The following STAU2 variants were observed in gnomAD, a reference collection of about 807,000 sequenced individuals.
STAU2 encodes staufen double-stranded RNA binding protein 2, also known as double-stranded RNA-binding protein Staufen homolog 2.
In STAU2, 20 loss-of-function variants were observed where a neutral mutation model predicts 65.9. The ratio of observed to expected loss-of-function variants is 0.30; its 90% CI spans 0.21 to 0.44. The LOEUF is 0.44. STAU2 is among the 20% of genes least tolerant of loss of function. The probability of loss-of-function intolerance (pLI) is 1.00; values close to 1 mark genes in which losing one functional copy is unlikely to be tolerated. For missense variants in STAU2, 558 were observed against 683.9 expected, an observed-to-expected ratio of 0.82 and a Z score of 2.05; for synonymous variants, 232 against 233.9, an observed-to-expected ratio of 0.99 and a Z score of 0.07.
intron 13 of STAU2, among the ~76,000 whole-genome samples, chr8:73,510,746 A>T (rs1179113719): frequency 2.0e-5 from 3 of 152,162 alleles, no homozygotes; most frequent in South Asian, 2.1e-4. Context: ...TCTCCTGAGA[A>T]CTCACTCACA....
At chr8:73,502,376 C>T (rs2128920544) in intron 13 of STAU2, among the ~76,000 whole-genome samples, 1 of 152,058 alleles carries the variant, frequency 6.6e-6, no homozygotes, top group Non-Finnish European at 1.5e-5. Context: ...TTCTTGACTT[C>T]CCCTGACCCA....
chr8:73,492,405 C>T (rs1423180684), intron 13 of STAU2, among the ~76,000 whole-genome samples: 22 of 151,828 alleles, frequency 1.4e-4, no homozygotes, highest in Non-Finnish European at 1.5e-5. Context: ...CATCAATGCA[C>T]GGTCATTACC....
At chr8:73,446,817 C>T (rs1818492734) in intron 13 of STAU2, among the ~76,000 whole-genome samples, 1 of 152,042 alleles carries the variant, frequency 6.6e-6, no homozygotes, top group Non-Finnish European at 1.5e-5. Context: ...GTGTTTAAGA[C>T]TATTTAAATG....
intron 5 of STAU2, among the ~76,000 whole-genome samples, chr8:73,674,514 C>A (rs1296900775): frequency 6.6e-6 from 1 of 151,710 alleles, no homozygotes; most frequent in African/African-American, 2.4e-5. Context: ...GCAATTAAAA[C>A]CTAATTGATT....
At chr8:73,631,676 AG>A (rs1386157456) in intron 6 of STAU2, among the ~76,000 whole-genome samples, 1 of 152,176 alleles carries the variant, frequency 6.6e-6, no homozygotes, top group Non-Finnish European at 1.5e-5. Context: ...TTATCTTTAA[AG>A]AAGTGCATCT....
intron 13 of STAU2, among the ~76,000 whole-genome samples, chr8:73,468,288 C>G (rs923431572): frequency 3.3e-5 from 5 of 152,230 alleles, no homozygotes; most frequent in African/African-American, 1.2e-4. Context: ...TTCCTTACAC[C>G]TTATACAAAA....
chr8:73,433,578 G>A (rs1817474109), intron 13 of STAU2, among the ~76,000 whole-genome samples: 1 of 149,008 alleles, frequency 6.7e-6, no homozygotes, highest in Admixed American at 6.7e-5. Context: ...TCAGCTCACT[G>A]CAATCTACGC....
chr8:73,569,485 G>A (rs1326636376), intron 12 of STAU2, among the ~76,000 whole-genome samples: 1 of 152,114 alleles, frequency 6.6e-6, no homozygotes, highest in Admixed American at 6.5e-5. Flanking sequence ...TGGAGTCTGA[G>A]ATCTGAGAAC....
chr8:73,604,170 CAGA>C (rs150881040), intron 9 of STAU2, among the ~76,000 whole-genome samples: 4,136 of 152,218 alleles, frequency 0.027, 162 homozygotes, highest in African/African-American at 0.09. Flanking sequence ...TCAAAAAGAA[CAGA>C]AGAAGACCAA....
At chr8:73,710,738 T>C (rs1241512614) in intron 3 of STAU2, among the ~76,000 whole-genome samples, 1 of 151,958 alleles carries the variant, frequency 6.6e-6, no homozygotes, top group Non-Finnish European at 1.5e-5. Flanking sequence ...CCATAAAAAA[T>C]GCCAAAATAT....
intron 10 of STAU2, among the ~76,000 whole-genome samples, chr8:73,597,465 C>T (rs936778555): frequency 2.0e-5 from 3 of 149,776 alleles, no homozygotes; most frequent in Non-Finnish European, 4.4e-5. Flanking sequence ...GCCAGGTTGG[C>T]CAACATGGTG....
rs1727353394 is a variant in STAU2 at position 73,658,315 on chromosome 8, C to T, written c.410+14792G>A. Among the ~76,000 whole-genome samples, 2 of 151,866 alleles carry T rather than the reference C, an allele frequency of 1.3e-5. 1 individual carries two copies. Among genetic ancestry groups the T allele is most frequent in the East Asian group, 3.9e-4 (2 of 5,120 alleles). ...CCCAGGTAGGGGAAGTTACAGTGAG[C>T]GAAGATCGTGCTATTGCATTCCAGC... On this transcript the variant is annotated intron_variant, in intron 6 of 14. Transcript: ENST00000524300.
chr8:73,733,188 A>G (rs868767081), intron 3 of STAU2, among the ~76,000 whole-genome samples: 2 of 152,128 alleles, frequency 1.3e-5, no homozygotes, highest in East Asian at 3.9e-4. Flanking sequence ...CATGTTCCCA[A>G]TATCTACTAT....
chr8:73,447,374 C>A (rs1818522933), intron 13 of STAU2, among the ~76,000 whole-genome samples: 1 of 152,152 alleles, frequency 6.6e-6, no homozygotes, highest in Non-Finnish European at 1.5e-5. Context: ...TTTCAAGACA[C>A]CATAAACAGC....
chr8:73,460,266 G>A (rs1819284815), intron 13 of STAU2, among the ~76,000 whole-genome samples: 1 of 152,202 alleles, frequency 6.6e-6, no homozygotes, highest in South Asian at 2.1e-4. Flanking sequence ...ATGGGGGCAG[G>A]AGGGCATTGT....
chr8:73,422,576 A>C, intron 14 of STAU2, 38 bp downstream of exon 14: 1 of 1,434,170 alleles, frequency 7.0e-7, no homozygotes, highest in Non-Finnish European at 9.3e-7. Context: ...TACAGTTACA[A>C]TTAAAAGTGT....
chr8:73,596,858 TA>T (rs1348330358), intron 10 of STAU2, among the ~76,000 whole-genome samples: 1 of 151,954 alleles, frequency 6.6e-6, no homozygotes, highest in East Asian at 1.9e-4. Flanking sequence ...CTAAAAAAAT[TA>T]AAATTAAAAA....
chr8:73,428,439 A>AT (rs1417745978), intron 13 of STAU2, among the ~76,000 whole-genome samples: 1 of 152,108 alleles, frequency 6.6e-6, no homozygotes, highest in Non-Finnish European at 1.5e-5. Context: ...GAGGGTGCAG[A>AT]TATCTCTTGA....
At chr8:73,579,881 C>T (rs1809856595) in intron 12 of STAU2, among the ~76,000 whole-genome samples, 1 of 152,202 alleles carries the variant, frequency 6.6e-6, no homozygotes, top group Non-Finnish European at 1.5e-5. Context: ...ATCACAATCA[C>T]TTGCAAAACC....
Sources: gnomAD v4.1 joint callset for allele counts (sites outside exome capture counted in the v4.1 genomes callset) on GRCh38, gnomAD v4.1.1 for gene constraint, MANE v1.5 for transcripts, NCBI Gene and HGNC (gene_info 2026-07-23, HGNC 2026-07-21) for gene names.